The following DYM variants were observed in gnomAD, a reference collection of about 807,000 sequenced individuals.
DYM encodes the protein dymeclin, also known as dyggve-Melchior-Clausen syndrome protein.
Under a neutral mutation model 93.1 loss-of-function variants are expected in DYM, and 78 were observed. The ratio of observed to expected loss-of-function variants is 0.84; its 90% confidence interval spans 0.70 to 1.01. The LOEUF is 1.01. Among genes scored for constraint, DYM ranks in the 50% least tolerant of loss-of-function variants. The pLI is 0.00. For missense variants in DYM, 789 were observed against 845.0 expected (o/e 0.93, Z 0.82); for synonymous variants, 321 against 319.7 (o/e 1.00, Z -0.04).
chr18:49,144,352 A>G (rs2084853635), intron 15 of DYM, among the ~76,000 whole-genome samples: 1 of 151,942 alleles, frequency 6.6e-6, no homozygotes, highest in South Asian at 2.1e-4. Flanking sequence ...GGTGTGTTCT[A>G]CATCAGGAGA....
At chr18:49,321,914 G>A (rs1446734067) in intron 8 of DYM, among the ~76,000 whole-genome samples, 2 of 152,024 alleles carry the variant, frequency 1.3e-5, no homozygotes, top group African/African-American at 2.4e-5. Flanking sequence ...AACTATGCCT[G>A]TTTCTGATTG....
intron 13 of DYM, among the ~76,000 whole-genome samples, chr18:49,221,887 C>A (rs2144094975): frequency 6.6e-6 from 1 of 151,346 alleles, no homozygotes; most frequent in East Asian, 1.9e-4. Context: ...GCACATGTAC[C>A]CTAAAACTTA....
intron 13 of DYM, among the ~76,000 whole-genome samples, chr18:49,225,179 G>A (rs558812334): frequency 2.0e-5 from 3 of 152,220 alleles, no homozygotes; most frequent in East Asian, 3.9e-4. Context: ...TAAGTTTCCA[G>A]GGGAAATTTT....
rs113500346 is a variant in DYM at position 49,044,033 on chromosome 18, C to T, written c.*22G>A. On this transcript the variant is annotated 3_prime_UTR_variant, in exon 18 of 18. Transcript: ENST00000675505. ...GAAGGGCTGCTTGGCTGGAGGGGTCCGGGTGGGAGAGCATCCTGCCCTCAG... is the reference window on the plus strand; with the variant it reads ...GAAGGGCTGCTTGGCTGGAGGGGTCTGGGTGGGAGAGCATCCTGCCCTCAG... 1.1e-3 allele frequency: 1,727 copies of T among 1,612,256 alleles called. 11 individuals are homozygous for T. In the African/African-American group the frequency reaches 0.021, roughly 19 times the overall value.
rs1258485790 is a variant in DYM at position 49,042,943 on chromosome 18, A to G, written c.*1112T>C. 2.0e-5 allele frequency: 3 copies of G among 152,150 alleles called. No individual in the cohort carries two copies. Among genetic ancestry groups the G allele is most frequent in the East Asian group, 1.9e-4 (1 of 5,196 alleles). 9.4% of individuals were successfully genotyped at this position (152,150 alleles called of 1,614,324 possible). A position where few individuals can be genotyped will look rare whatever the true frequency, so the allele number is the denominator to read the frequency against. Reference sequence around the variant, plus strand: ...ATGAACAAATTACTCTCCTTTTTCTATTAGTGTGGGTGAAGGAAAAAGACT... The same window carrying G: ...ATGAACAAATTACTCTCCTTTTTCTGTTAGTGTGGGTGAAGGAAAAAGACT... On this transcript the variant is annotated 3_prime_UTR_variant, in exon 18 of 18. Transcript: ENST00000675505.
chr18:49,404,150 G>C (rs1230771087), intron 2 of DYM, among the ~76,000 whole-genome samples: 2 of 152,122 alleles, frequency 1.3e-5, no homozygotes, highest in African/African-American at 4.8e-5. Context: ...TGGGATTACA[G>C]GTGTATGCCA....
In DYM at chr18:49,391,618, T is replaced by C; in HGVS notation, c.168A>G (p.Ala56=). 1 of 1,613,642 alleles carries C rather than the reference T, an allele frequency of 6.2e-7. No homozygotes were observed. Among genetic ancestry groups the C allele is most frequent in the South Asian group, 1.1e-5 (1 of 91,076 alleles). Residue 56 remains alanine (A), a synonymous_variant, in exon 3 of 18, where the codon GCA becomes GCG. Coordinates refer to ENST00000675505, the MANE Select transcript of DYM (RefSeq NM_001353214.3). Reference sequence around the variant, plus strand: ...CTAATGACCTGCAGACTGAAATGGTTGCTTCCTCCAAGAGTTTCAACTCAC... The same window carrying C: ...CTAATGACCTGCAGACTGAAATGGTCGCTTCCTCCAAGAGTTTCAACTCAC... The part of the protein sequence containing the change: ...SSSELKLLEE[A]TISVCRSLVE...
At chr18:49,113,649 C>A (rs1399826400) in intron 16 of DYM, among the ~76,000 whole-genome samples, 1 of 152,138 alleles carries the variant, frequency 6.6e-6, no homozygotes, top group Non-Finnish European at 1.5e-5. Context: ...GAGTTAACTT[C>A]TGAAGGTTAA....
chr18:49,094,154 A>C (rs926468441), intron 17 of DYM, among the ~76,000 whole-genome samples: 1 of 152,218 alleles, frequency 6.6e-6, no homozygotes, highest in Non-Finnish European at 1.5e-5. Context: ...CTTAATCCTC[A>C]AATGACATAG....
chr18:49,291,699 C>T (rs1599175776), intron 8 of DYM, among the ~76,000 whole-genome samples: 1 of 152,096 alleles, frequency 6.6e-6, no homozygotes, highest in South Asian at 2.1e-4. Context: ...TAATGTGCTC[C>T]CTCCATTTCA....
At chr18:49,221,576 A>G (rs1353778175) in intron 13 of DYM, among the ~76,000 whole-genome samples, 3 of 152,264 alleles carry the variant, frequency 2.0e-5, no homozygotes, top group Non-Finnish European at 2.9e-5. Flanking sequence ...CTATGCAGCC[A>G]TAAAAGATGA....
chr18:49,438,617 C>T (rs1404139933), intron 1 of DYM, among the ~76,000 whole-genome samples: 1 of 152,106 alleles, frequency 6.6e-6, no homozygotes, highest in African/African-American at 2.4e-5. Flanking sequence ...TTGGCTAGTG[C>T]ACCTGAGCAG....
Position 49,210,686 on chromosome 18 carries a change from A to C in DYM, c.1461-971T>G, listed in dbSNP as rs76261440. Reference sequence around the variant, plus strand: ...CCAAGAGTGAACCCTAATGTAAACTATGTAGTTTGGATGATTATGTGTCAA... The same window carrying C: ...CCAAGAGTGAACCCTAATGTAAACTCTGTAGTTTGGATGATTATGTGTCAA... On this transcript the variant is annotated intron_variant, in intron 13 of 17. Transcript: ENST00000675505. 3.5e-3 allele frequency among the ~76,000 whole-genome samples: 528 copies of C among 152,336 alleles called. 4 individuals carry two copies. The highest frequency in any genetic ancestry group is 0.012 in the African/African-American group (490 of 41,586).
intron 15 of DYM, among the ~76,000 whole-genome samples, chr18:49,146,373 G>T (rs1354192552): frequency 6.6e-6 from 1 of 152,146 alleles, no homozygotes. Context: ...GGAAATAAAG[G>T]GTATTCAATT....
intron 1 of DYM, among the ~76,000 whole-genome samples, chr18:49,449,792 C>T (rs922428905): frequency 2.6e-5 from 4 of 152,100 alleles, no homozygotes; most frequent in Admixed American, 1.3e-4. Context: ...CTTTCTGTAG[C>T]GTTCTGTCAA....
chr18:49,335,306 G>A lies in DYM; in HGVS notation c.495-1453C>T, dbSNP rs561338291. 1.8e-4 allele frequency among the ~76,000 whole-genome samples: 28 copies of A among 151,628 alleles called. No homozygotes were observed. In the South Asian group the frequency reaches 4.0e-3, roughly 21 times the overall value. ...TAATCACTGTTGTAAAAATTAACCTGTAAAAAGCAATTCTTGGGCATAGTG... is the reference window on the plus strand; with the variant it reads ...TAATCACTGTTGTAAAAATTAACCTATAAAAAGCAATTCTTGGGCATAGTG... On this transcript the variant is annotated intron_variant, in intron 6 of 17. Coordinates refer to ENST00000675505, the MANE Select transcript of DYM (RefSeq NM_001353214.3).
intron 11 of DYM, among the ~76,000 whole-genome samples, chr18:49,270,498 G>A (rs1445936200): frequency 6.6e-6 from 1 of 152,120 alleles, no homozygotes; most frequent in Non-Finnish European, 1.5e-5. Context: ...GAGATCTAAT[G>A]TATAATATGA....
chr18:49,302,349 A>T (rs1213362796), intron 8 of DYM, among the ~76,000 whole-genome samples: 1 of 150,314 alleles, frequency 6.7e-6, no homozygotes, highest in Non-Finnish European at 1.5e-5. Flanking sequence ...AAACTTATTC[A>T]GATGATTATT....
rs1480405433 is a variant in DYM, at chr18:49,318,839, C to T, written c.763+13025G>A. ...TTTTTGAGACAGAGTCTCACTCTGT[C>T]GCCCAGGCTGGAGTGCAGTGGCACG... On this transcript the variant is annotated intron_variant, in intron 8 of 17. Transcript: ENST00000675505. 7.1e-5 allele frequency among the ~76,000 whole-genome samples: 9 copies of T among 126,636 alleles called. No individual in the cohort carries two copies. The East Asian group carries it at 1.8e-3, about 26-fold the overall frequency. 83.1% of individuals were successfully genotyped at this position (126,636 alleles called of 152,430 possible). A position where few individuals can be genotyped will look rare whatever the true frequency, so the allele number is the denominator to read the frequency against.
Sources: allele counts gnomAD v4.1 joint callset (sites outside exome capture counted in the v4.1 genomes callset), GRCh38; gene constraint gnomAD v4.1.1; transcripts MANE v1.5; gene names NCBI Gene and HGNC (gene_info 2026-07-23, HGNC 2026-07-21).